DCAF1: variants seen among roughly 807,000 people sequenced by gnomAD.
The protein encoded by DCAF1 is DDB1- and CUL4-associated factor 1.
In DCAF1, 15 loss-of-function variants were observed where a neutral mutation model predicts 128.0. The observed-to-expected ratio is 0.12, with a 90% CI of 0.08 to 0.18. The LOEUF (loss-of-function observed/expected upper bound fraction) is 0.18, where lower values mean the gene tolerates loss of function less well. Ranked by LOEUF, DCAF1 falls within the 10% of genes least tolerant of loss-of-function variation. The pLI is 1.00. For synonymous variants in DCAF1, 610 were observed against 603.0 expected (o/e 1.01, Z -0.17); for missense variants, 988 against 1,649.5 (o/e 0.60, Z 6.95).
At chr3:51,452,720 A>T (rs782478128) in intron 6 of DCAF1, among the ~76,000 whole-genome samples, 21 of 152,198 alleles carry the variant, frequency 1.4e-4, no homozygotes, top group South Asian at 8.3e-4. Context: ...CCGTTAAATC[A>T]TCTGTTATCG....
chr3:51,474,042 C>T lies in DCAF1; in HGVS notation c.111-3037G>A, dbSNP rs1705118465. Among the ~76,000 whole-genome samples, 3 of 152,062 alleles carry T rather than the reference C, an allele frequency of 2.0e-5. No homozygotes were observed. In the South Asian group the frequency reaches 6.2e-4, roughly 31 times the overall value. ...TCAGGCTATCTCAAACTCCTAACCT[C>T]AAGTGATCCACCCGCCTTGGTTTCC... is the stretch of plus-strand genomic sequence containing the variant. On this transcript the variant is annotated intron_variant, in intron 3 of 24. Transcript: ENST00000684031.
In DCAF1 at chr3:51,441,714, C is replaced by G; in HGVS notation, c.697G>C (p.Ala233Pro). ...AAGGAGATCTCCATGTCTCCAGAAG[C>G]TTCCTCTTGGTCTCCATCCACTACA... ...VDVVDGDQEE[A>P]SGDMEISFHL... Residue 233 changes from alanine to proline, a missense_variant, in exon 8 of 25, where the codon GCT (alanine) becomes CCT (proline). This residue lies in a region of DCAF1 where 210 missense variants were observed against 260.2 expected (regional missense o/e 0.81). Coordinates refer to ENST00000684031, the MANE Select transcript of DCAF1 (RefSeq NM_001387579.1). 1 of 1,613,984 alleles carries G rather than the reference C, an allele frequency of 6.2e-7. No individual in the cohort carries two copies. The highest frequency in any genetic ancestry group is 8.5e-7 in the Non-Finnish European group (1 of 1,179,896).
chr3:51,404,382 G>A (rs1351715993), intron 23 of DCAF1, among the ~76,000 whole-genome samples: 5 of 152,112 alleles, frequency 3.3e-5, no homozygotes, highest in Admixed American at 2.0e-4. Context: ...TAAGCCCAAC[G>A]TAAGCACAAA....
intron 24 of DCAF1, among the ~76,000 whole-genome samples, chr3:51,402,013 T>G (rs575200635): frequency 6.6e-6 from 1 of 150,438 alleles, no homozygotes; most frequent in African/African-American, 2.4e-5. Context: ...AGAAGATTCA[T>G]GTACAGCTGC....
chr3:51,503,313 A>G (rs1454688008), upstream of DCAF1, among the ~76,000 whole-genome samples: 1 of 152,120 alleles, frequency 6.6e-6, no homozygotes, highest in African/African-American at 2.4e-5. Context: ...CTCCAAGCAC[A>G]CCCACTCCCT....
At position 51,482,002 on chromosome 3, in the gene DCAF1, A is replaced by T. The variant is rs1706259876; in HGVS notation, c.110+1717T>A. 2.6e-5 allele frequency among the ~76,000 whole-genome samples: 4 copies of T among 152,180 alleles called. No individual in the cohort carries two copies. The South Asian group carries it at 8.3e-4, about 32-fold the overall frequency. ...TGAGACTCCATCCCCCCAAAAAATA[A>T]AAACAAAAAAAGTTTTTCAGTTTAA... On this transcript the variant is annotated intron_variant, in intron 3 of 24. Transcript: ENST00000684031.
chr3:51,413,149 T>G, intron 21 of DCAF1, 83 bp from the exon 22 acceptor site: 1 of 1,580,600 alleles, frequency 6.3e-7, no homozygotes, highest in Non-Finnish European at 8.6e-7. Flanking sequence ...GAATTCAGGA[T>G]GATTGCTCAA....
At chr3:51,421,295 C>T (rs368849002) in intron 14 of DCAF1, among the ~76,000 whole-genome samples, 12 of 152,078 alleles carry the variant, frequency 7.9e-5, no homozygotes, top group African/African-American at 1.4e-4. Context: ...CTCGCTCTGT[C>T]GCCCAAGCTG....
In DCAF1 at chr3:51,477,552, A is replaced by G. The variant is rs1553651077; in HGVS notation, c.110+6167T>C. On this transcript the variant is annotated intron_variant, in intron 3 of 24. Coordinates refer to ENST00000684031, the MANE Select transcript of DCAF1 (RefSeq NM_001387579.1). ...TGAGGTGGGAGGATCACTTGAGTCC[A>G]GGAGGTTGAGGCTGCAGTGAGCTAT... Among the ~76,000 whole-genome samples, 12 of 151,918 alleles carry G rather than the reference A, an allele frequency of 7.9e-5. 3 individuals are homozygous for G.
intron 17 of DCAF1, among the ~76,000 whole-genome samples, chr3:51,417,804 GGGGGA>G (rs1233360996): frequency 3.3e-5 from 5 of 150,986 alleles, no homozygotes; most frequent in Non-Finnish European, 7.4e-5. Flanking sequence ...GGGAGGTGAG[GGGGGA>G]GGGGAGGGGA....
intron 17 of DCAF1, among the ~76,000 whole-genome samples, chr3:51,417,655 G>T (rs1319106979): frequency 6.6e-6 from 1 of 152,010 alleles, no homozygotes; most frequent in African/African-American, 2.4e-5. Flanking sequence ...GGGAGGCGGA[G>T]CTTGCAGTAG....
In DCAF1 at chr3:51,443,887, T is replaced by C. The variant is rs1473202982; in HGVS notation, c.392A>G (p.Asn131Ser). 1.2e-6 allele frequency: 2 copies of C among 1,602,960 alleles called. No homozygotes were observed. Among genetic ancestry groups the C allele is most frequent in the African/African-American group, 1.3e-5 (1 of 74,530 alleles). The change falls in exon 7 of 25, where the codon AAT (asparagine) becomes AGT (serine). Residue 131 changes from asparagine (N) to serine (S), a missense_variant. Coordinates refer to ENST00000684031, the MANE Select transcript of DCAF1 (RefSeq NM_001387579.1). The stretch of plus-strand genomic sequence containing the variant: ...GGCCTCTCGGGCCCATTTGAAAAGA[T>C]TCTCGACAATTCCCTCCTATAGTAA... ...VFQEKEGIVE[N>S]LFKWAREADQ...
chr3:51,437,798 G>A (rs1395760247), intron 9 of DCAF1, among the ~76,000 whole-genome samples: 1 of 151,880 alleles, frequency 6.6e-6, no homozygotes, highest in African/African-American at 2.4e-5. Flanking sequence ...CTGGGTGACA[G>A]GGTAAGACCT....
At chr3:51,409,976 A>G (rs782501940) in intron 23 of DCAF1, among the ~76,000 whole-genome samples, 7 of 152,234 alleles carry the variant, frequency 4.6e-5, no homozygotes, top group Non-Finnish European at 8.8e-5. Flanking sequence ...TATCCACTGG[A>G]AAACCTCTCC....
At chr3:51,469,221 A>ATTTTTT (rs781851604) in intron 4 of DCAF1, among the ~76,000 whole-genome samples, 5 of 116,724 alleles carry the variant, frequency 4.3e-5, no homozygotes, top group East Asian at 3.1e-4. Context: ...CCACACACAA[A>ATTTTTT]TTTTTTTTTT....
intron 23 of DCAF1, among the ~76,000 whole-genome samples, chr3:51,407,990 A>AAAAAC (rs1698045249): frequency 7.1e-6 from 1 of 141,232 alleles, no homozygotes; most frequent in African/African-American, 2.5e-5. Flanking sequence ...ATCTCAAAAA[A>AAAAAC]AAAAAAAAAA....
chr3:51,446,988 A>AATAATAATAATAATC, intron 6 of DCAF1, among the ~76,000 whole-genome samples: 1 of 147,726 alleles, frequency 6.8e-6, no homozygotes, highest in Non-Finnish European at 1.5e-5. Context: ...TAATAATAAT[A>AATAATAATAATAATC]ATAATAATAA....
At chr3:51,466,736 G>A (rs1213792090) in intron 5 of DCAF1, 67 bp downstream of exon 5, 17 of 1,544,176 alleles carry the variant, frequency 1.1e-5, no homozygotes, top group Middle Eastern at 1.7e-4. Flanking sequence ...AACTATTCAC[G>A]AAAAAACAAT....
At chr3:51,406,697 G>A (rs1381474450) in intron 23 of DCAF1, among the ~76,000 whole-genome samples, 1 of 152,006 alleles carries the variant, frequency 6.6e-6, no homozygotes, top group African/African-American at 2.4e-5. Flanking sequence ...ATCTAAACCT[G>A]GCTTCAGCCC....
Sources: allele counts gnomAD v4.1 joint callset (sites outside exome capture counted in the v4.1 genomes callset), GRCh38; gene constraint gnomAD v4.1.1; regional missense constraint gnomAD v4.1.1; transcripts MANE v1.5; gene names NCBI Gene and HGNC (gene_info 2026-07-23, HGNC 2026-07-21).